The following LINGO2 variants were observed in gnomAD, a reference collection of about 807,000 sequenced individuals.
The protein encoded by LINGO2 is leucine rich repeat and Ig domain containing 2.
LINGO2 carries 14 observed loss-of-function variants against 30.6 expected under a neutral mutation model. That is an observed-to-expected ratio of 0.46 (90% CI 0.30 to 0.72). LINGO2 has a LOEUF of 0.72. Ranked by LOEUF, LINGO2 falls within the 30% of genes least tolerant of loss-of-function variation. The pLI is 0.07. For synonymous variants in LINGO2, 317 were observed against 288.5 expected (o/e 1.10, Z -1.00); for missense variants, 729 against 751.7 (o/e 0.97, Z 0.35).
At chr9:29,175,200 A>C in the LINGO2 span, among the ~76,000 whole-genome samples, 1 of 152,164 alleles carries the variant, frequency 6.6e-6, no homozygotes, top group Non-Finnish European at 1.5e-5. Flanking sequence ...TGGAGGTTGC[A>C]GTGAGCCAAG....
chr9:28,099,865 C>G (rs1476103735), intron 4 of LINGO2, among the ~76,000 whole-genome samples: 1 of 152,162 alleles, frequency 6.6e-6, no homozygotes, highest in South Asian at 2.1e-4. Context: ...TTGTTCAACT[C>G]AGACCCTTTA....
chr9:28,170,886 T>C (rs1359030662), intron 4 of LINGO2, among the ~76,000 whole-genome samples: 1 of 152,192 alleles, frequency 6.6e-6, no homozygotes, highest in Non-Finnish European at 1.5e-5. Flanking sequence ...AAGATCCTTA[T>C]CTTAATGACA....
intron 4 of LINGO2, among the ~76,000 whole-genome samples, chr9:28,141,603 T>A (rs1405612220): frequency 6.6e-6 from 1 of 152,216 alleles, no homozygotes; most frequent in Non-Finnish European, 1.5e-5. Flanking sequence ...TCTATGCCTG[T>A]AATGGAATTT....
intron 5 of LINGO2, among the ~76,000 whole-genome samples, chr9:28,004,501 G>A (rs1446626723): frequency 6.6e-6 from 1 of 152,146 alleles, no homozygotes; most frequent in Non-Finnish European, 1.5e-5. Context: ...AAGCCAGTTT[G>A]TCACATAGGT....
At chr9:28,769,734 C>G in the LINGO2 span, among the ~76,000 whole-genome samples, 1 of 148,994 alleles carries the variant, frequency 6.7e-6, no homozygotes, top group South Asian at 2.1e-4. Context: ...CTTTAGTTTA[C>G]TTACTCAGAC....
intron 4 of LINGO2, among the ~76,000 whole-genome samples, chr9:28,026,882 G>A (rs556311541): frequency 6.6e-6 from 1 of 152,124 alleles, no homozygotes; most frequent in African/African-American, 2.4e-5. Context: ...GTCTAAAAAT[G>A]TTGAAGATCT....
intron 1 of LINGO2, among the ~76,000 whole-genome samples, chr9:28,588,997 C>T (rs554845164): frequency 2.6e-5 from 4 of 152,148 alleles, no homozygotes; most frequent in Middle Eastern, 6.8e-3. Flanking sequence ...TGGTTCAACA[C>T]ATGCAAATCA....
intron 4 of LINGO2, among the ~76,000 whole-genome samples, chr9:28,110,957 T>C (rs955972947): frequency 2.0e-5 from 3 of 152,110 alleles, no homozygotes; most frequent in African/African-American, 7.2e-5. Context: ...TGCAGCACTA[T>C]TTACACTAGC....
chr9:28,131,182 AC>A (rs1342784495), intron 4 of LINGO2, among the ~76,000 whole-genome samples: 32 of 151,858 alleles, frequency 2.1e-4, no homozygotes, highest in African/African-American at 6.8e-4. Context: ...AAAAAAAAAA[AC>A]ATGAGTGATT....
intron 3 of LINGO2, among the ~76,000 whole-genome samples, chr9:28,323,143 T>C (rs2134309397): frequency 6.6e-6 from 1 of 152,332 alleles, no homozygotes; most frequent in East Asian, 1.9e-4. Context: ...TAAAATACAG[T>C]TTAATATGTT....
chr9:28,825,078 T>C, the LINGO2 span, among the ~76,000 whole-genome samples: 1 of 152,114 alleles, frequency 6.6e-6, no homozygotes, highest in Admixed American at 6.5e-5. Context: ...GGCCCAAAAG[T>C]GTAAGTCTTA....
intron 4 of LINGO2, among the ~76,000 whole-genome samples, chr9:28,229,006 T>C (rs1190581501): frequency 6.6e-6 from 1 of 151,782 alleles, no homozygotes. Flanking sequence ...ATCCAGTATT[T>C]CCACATTTAT....
the LINGO2 span, among the ~76,000 whole-genome samples, chr9:28,968,429 G>A: frequency 1.3e-5 from 2 of 152,044 alleles, no homozygotes; most frequent in African/African-American, 4.8e-5. Flanking sequence ...GGTTTCTTCA[G>A]GTGTTTCTTG....
At chr9:28,263,565 T>C (rs1231714214) in intron 4 of LINGO2, among the ~76,000 whole-genome samples, 1 of 152,012 alleles carries the variant, frequency 6.6e-6, no homozygotes, top group Non-Finnish European at 1.5e-5. Context: ...TTATTGGGTT[T>C]ATCCCCAAAT....
At chr9:28,348,915 C>G (rs1473552764) in intron 3 of LINGO2, among the ~76,000 whole-genome samples, 1 of 150,582 alleles carries the variant, frequency 6.6e-6, no homozygotes, top group Non-Finnish European at 1.5e-5. Flanking sequence ...GCAGGGTATT[C>G]CAACAGACCT....
intron 4 of LINGO2, among the ~76,000 whole-genome samples, chr9:28,260,165 T>C (rs2134041960): frequency 6.6e-6 from 1 of 151,812 alleles, no homozygotes; most frequent in East Asian, 1.9e-4. Context: ...ATAATAAATA[T>C]GTCAGTTGTC....
chr9:28,877,724 T>C, the LINGO2 span, among the ~76,000 whole-genome samples: 4 of 152,172 alleles, frequency 2.6e-5, no homozygotes, highest in African/African-American at 4.8e-5. Context: ...AGGATTGACT[T>C]GGCAATGCAG....
rs1167210055 is a variant in LINGO2, at chr9:28,512,591, GTGTATATATATATATATATATATA to G, written c.-364-36590_-364-36567del. ...GACAGAACTAACAGGATATATATGT[GTGTATATATATATATATATATATA>G]TATATATATATATATATATATACAC... On this transcript the variant is annotated intron_variant, in intron 1 of 5. Coordinates refer to ENST00000379992, the Ensembl canonical transcript of LINGO2. 3.9e-3 allele frequency among the ~76,000 whole-genome samples: 61 copies of G among 15,828 alleles called. 4 individuals are homozygous for G. Among genetic ancestry groups the G allele is most frequent in the African/African-American group, 0.015 (51 of 3,306 alleles). 10.4% of individuals were successfully genotyped at this position (15,828 alleles called of 152,430 possible).
the LINGO2 span, among the ~76,000 whole-genome samples, chr9:28,693,377 A>T: frequency 6.6e-6 from 1 of 152,164 alleles, no homozygotes; most frequent in Non-Finnish European, 1.5e-5. Flanking sequence ...TGATTTAATC[A>T]TTAAACATTT....
Sources: gnomAD v4.1 joint callset for allele counts (sites outside exome capture counted in the v4.1 genomes callset) on GRCh38, gnomAD v4.1.1 for gene constraint, MANE v1.5 for transcripts, NCBI Gene and HGNC (gene_info 2026-07-23, HGNC 2026-07-21) for gene names.